The following PUS7 variants were observed in gnomAD, a reference collection of about 807,000 sequenced individuals.
PUS7 encodes the protein pseudouridine synthase 7, also known as pseudouridylate synthase 7 homolog.
A neutral mutation model predicts 79.8 loss-of-function variants in PUS7; 48 were observed. The ratio of observed to expected loss-of-function variants is 0.60; its 90% CI spans 0.48 to 0.76. The LOEUF (loss-of-function observed/expected upper bound fraction) is 0.76. Among genes scored for constraint, PUS7 ranks in the 30% least tolerant of loss-of-function variants. The probability of loss-of-function intolerance (pLI) is 0.00; values close to 1 mark genes in which losing one functional copy is unlikely to be tolerated. For synonymous variants in PUS7, 286 were observed against 272.2 expected, an observed-to-expected ratio of 1.05 and a Z score of -0.50; for missense variants, 729 against 797.6, an observed-to-expected ratio of 0.91 and a Z score of 1.04.
chr7:105,521,714 G>T (rs911213718), intron 1 of PUS7, among the ~76,000 whole-genome samples: 1 of 152,250 alleles, frequency 6.6e-6, no homozygotes, highest in African/African-American at 2.4e-5. Flanking sequence ...AAGAAAGGGA[G>T]GAGTGGGAAG....
chr7:105,472,816 C>A (rs185685999), intron 9 of PUS7, among the ~76,000 whole-genome samples: 3 of 151,742 alleles, frequency 2.0e-5, no homozygotes, highest in Non-Finnish European at 4.4e-5. Context: ...TGCAATGATG[C>A]GATCTCGGCT....
chr7:105,476,437 A>C (rs1449991021), intron 9 of PUS7, among the ~76,000 whole-genome samples: 2 of 152,080 alleles, frequency 1.3e-5, no homozygotes, highest in East Asian at 3.9e-4. Flanking sequence ...AGCTTACTGC[A>C]ACCTCTGCTT....
Position 105,468,433 on chromosome 7 carries a change from G to T in PUS7, c.1429C>A (p.His477Asn). The change falls in exon 12 of 16, where the codon CAT becomes AAT. Residue 477 changes from histidine to asparagine, a missense_variant. His to Asn is a moderately conservative substitution (Grantham distance 68). Transcript: ENST00000469408. ...IPRNNRLMYI[H>N]SYQSYVWNNM... ...TTCCACACATAGCTTTGGTAGCTAT[G>T]AATATACATTAAGCGATTATTTCTG... The T allele has an allele frequency of 1.2e-6, 2 of 1,610,084 alleles. No homozygotes were observed. The highest frequency in any genetic ancestry group is 1.7e-6 in the Non-Finnish European group (2 of 1,177,362).
In PUS7 at chr7:105,462,709, C is replaced by G; in HGVS notation, c.1669G>C (p.Asp557His). The change falls in exon 14 of 16, where the codon GAT (aspartate) becomes CAT (histidine). Residue 557 changes from aspartate to histidine, a missense_variant. Coordinates refer to ENST00000469408, the MANE Select transcript of PUS7 (RefSeq NM_019042.5). ...ATTTTGTGTCTCATGTTGTCAATAT[C>G]AAGATTGTCAGCTGTGAGCATTTCC... ...YREMLTADNL[D>H]IDNMRHKIRD... is the part of the protein sequence containing the mutation. 6.2e-7 allele frequency: 1 copy of G among 1,613,630 alleles called. No individual in the cohort carries two copies. Among genetic ancestry groups the G allele is most frequent in the Non-Finnish European group, 8.5e-7 (1 of 1,179,858 alleles).
intron 1 of PUS7, among the ~76,000 whole-genome samples, chr7:105,510,333 T>C (rs1245878732): frequency 6.6e-6 from 1 of 151,862 alleles, no homozygotes; most frequent in African/African-American, 2.4e-5. Context: ...AATAAAATAT[T>C]GTATAACCAC....
chr7:105,499,535 G>A (rs1055077032), intron 5 of PUS7, among the ~76,000 whole-genome samples: 2 of 152,118 alleles, frequency 1.3e-5, no homozygotes, highest in African/African-American at 4.8e-5. Flanking sequence ...GTAATGTTAT[G>A]ATAGTTTAGA....
intron 1 of PUS7, among the ~76,000 whole-genome samples, chr7:105,521,687 A>G (rs1360494201): frequency 6.6e-6 from 1 of 152,184 alleles, no homozygotes; most frequent in Non-Finnish European, 1.5e-5. Flanking sequence ...ACAAGAGTTT[A>G]GGGAGCGTCC....
Position 105,480,951 on chromosome 7 carries a change from C to T in PUS7, c.1175+101G>A, listed in dbSNP as rs73421615. 5,005 of 1,349,190 alleles carry T rather than the reference C, an allele frequency of 3.7e-3. 149 individuals are homozygous for T. The African/African-American group carries it at 0.065, about 17-fold the overall frequency. The allele number at this position is 1,349,190 out of a possible 1,614,324, so 83.6% of individuals were successfully genotyped here. A position where few individuals can be genotyped will look rare whatever the true frequency, so the allele number is the denominator to read the frequency against. On this transcript the variant is annotated intron_variant, in intron 9 of 15. Coordinates refer to ENST00000469408, the MANE Select transcript of PUS7 (RefSeq NM_019042.5). ...TCATGAAACTGTGGTTCATTTGCCC[C>T]AGACATGGGAGAACGTAGAAATAAT...
chr7:105,499,796 A>G (rs1430737508), intron 5 of PUS7, among the ~76,000 whole-genome samples: 2 of 152,080 alleles, frequency 1.3e-5, no homozygotes, highest in African/African-American at 4.8e-5. Flanking sequence ...ATCTGGTAGT[A>G]ATACAGCTAA....
In PUS7 at chr7:105,475,271, C is replaced by T. The variant is rs535286975; in HGVS notation, c.1176-3078G>A. Among the ~76,000 whole-genome samples, 32 of 152,082 alleles carry T rather than the reference C, an allele frequency of 2.1e-4. No individual in the cohort carries two copies. The South Asian group carries it at 3.3e-3, about 16-fold the overall frequency. On this transcript the variant is annotated intron_variant, in intron 9 of 15. Coordinates refer to ENST00000469408, the MANE Select transcript of PUS7 (RefSeq NM_019042.5). ...CACGATCTCGGCTCACTGCAAGCTC[C>T]GCCTCCCGGGTTCACGCCATTCTTC...
At chr7:105,507,055 AT>A (rs1554351206) in intron 2 of PUS7, among the ~76,000 whole-genome samples, 2 of 151,554 alleles carry the variant, frequency 1.3e-5, no homozygotes, top group Non-Finnish European at 2.9e-5. Flanking sequence ...TATTACTATT[AT>A]TTTTTTTGAG....
At chr7:105,462,137 AG>A (rs1823456519) in intron 14 of PUS7, 2 of 152,146 alleles carry the variant, frequency 1.3e-5, no homozygotes, top group Non-Finnish European at 2.9e-5. Context: ...AAAAAAGAAA[AG>A]AAAAAAGGTA....
intron 2 of PUS7, 74 bp from the exon 3 acceptor site, chr7:105,506,347 A>T: frequency 9.4e-7 from 1 of 1,063,142 alleles, no homozygotes. Flanking sequence ...AAGTTGATCA[A>T]CAGCAAGCCT....
At chr7:105,475,261 C>G (rs1171592944) in intron 9 of PUS7, among the ~76,000 whole-genome samples, 1 of 152,174 alleles carries the variant, frequency 6.6e-6, no homozygotes, top group African/African-American at 2.4e-5. Flanking sequence ...TCTCGGCTCA[C>G]TGCAAGCTCC....
chr7:105,459,095 C>A (rs1361907749), intron 15 of PUS7, 73 bp downstream of exon 15: 7 of 972,672 alleles, frequency 7.2e-6, no homozygotes, highest in East Asian at 5.3e-5. Context: ...GAGCAGTTTT[C>A]AAAAAAAAAT....
chr7:105,475,345 C>A (rs1679685381), intron 9 of PUS7, among the ~76,000 whole-genome samples: 1 of 152,054 alleles, frequency 6.6e-6, no homozygotes, highest in African/African-American at 2.4e-5. Flanking sequence ...GCCACCACGC[C>A]TGGCTAATTT....
At chr7:105,461,760 T>C (rs1413523001) in intron 14 of PUS7, among the ~76,000 whole-genome samples, 1 of 152,236 alleles carries the variant, frequency 6.6e-6, no homozygotes, top group East Asian at 1.9e-4. Context: ...TATAGCCTAC[T>C]ACACGCCTTG....
rs191659584 is a variant in PUS7 at position 105,505,810 on chromosome 7, T to A, written c.585+145A>T. On this transcript the variant is annotated intron_variant, in intron 4 of 15. Coordinates refer to ENST00000469408, the MANE Select transcript of PUS7 (RefSeq NM_019042.5). ...CTAGTTATCTGCCCCAGTAAAAAAA[T>A]TTTTTAGTGTAATATCCTTTAGATC... 841 of 612,882 alleles carry A rather than the reference T, an allele frequency of 1.4e-3. 1 individual carries two copies. In the African/African-American group the frequency reaches 0.014, roughly 10 times the overall value. 38.0% of individuals were successfully genotyped at this position (612,882 alleles called of 1,614,324 possible).
chr7:105,482,477 G>C, intron 7 of PUS7, 37 bp from the exon 8 acceptor site: 1 of 1,545,602 alleles, frequency 6.5e-7, no homozygotes, highest in East Asian at 2.3e-5. Context: ...AAACAAAAAA[G>C]AGTAGAAAGA....
Sources: gnomAD v4.1 joint callset for allele counts (sites outside exome capture counted in the v4.1 genomes callset) on GRCh38, gnomAD v4.1.1 for gene constraint, MANE v1.5 for transcripts, NCBI Gene and HGNC (gene_info 2026-07-23, HGNC 2026-07-21) for gene names.